The following DEUP1 variants were observed in gnomAD, a reference collection of about 807,000 sequenced individuals.
DEUP1 encodes the protein coiled-coil domain containing 67.
In DEUP1, 82 loss-of-function variants were observed where a neutral mutation model predicts 87.4. The ratio of observed to expected loss-of-function variants is 0.94; its 90% CI spans 0.78 to 1.13. DEUP1 has a LOEUF of 1.13. Ranked by LOEUF, DEUP1 falls within the 50% of genes most tolerant of loss-of-function variation. The pLI is 0.00. For missense variants in DEUP1, 663 were observed against 681.5 expected (o/e 0.97, Z 0.30); for synonymous variants, 214 against 222.7 (o/e 0.96, Z 0.35).
At chr11:93,366,066 A>G (rs1184030152) in intron 5 of DEUP1, among the ~76,000 whole-genome samples, 1 of 152,216 alleles carries the variant, frequency 6.6e-6, no homozygotes, top group East Asian at 1.9e-4. Context: ...AATACCTTAT[A>G]TGTAACATTG....
rs754866185 is a variant in DEUP1, at chr11:93,389,011, A to T, written c.936-9A>T. ...TAATTTTAATCATTATTTTATGTTT[A>T]ATTTGTAGACTTGAATCATCTTATT... On this transcript the variant is annotated splice_polypyrimidine_tract_variant and intron_variant, in intron 8 of 13. Coordinates refer to ENST00000298050, the MANE Select transcript of DEUP1 (RefSeq NM_181645.4). 1 of 1,384,606 alleles carries T rather than the reference A, an allele frequency of 7.2e-7. No individual in the cohort carries two copies. The highest frequency in any genetic ancestry group is 1.0e-6 in the Non-Finnish European group (1 of 992,884). The allele number at this position is 1,384,606 out of a possible 1,614,324, so 85.8% of individuals were successfully genotyped here.
intron 7 of DEUP1, among the ~76,000 whole-genome samples, chr11:93,372,679 T>A (rs1945801647): frequency 6.6e-6 from 1 of 152,204 alleles, no homozygotes; most frequent in African/African-American, 2.4e-5. Context: ...GACATACATA[T>A]TCCCCACTTC....
chr11:93,414,516 T>A (rs575711560), intron 12 of DEUP1, among the ~76,000 whole-genome samples: 31 of 151,750 alleles, frequency 2.0e-4, no homozygotes, highest in South Asian at 4.2e-4. Context: ...CAAAATAAAT[T>A]AATAAATAAA....
chr11:93,389,038 G>C lies in DEUP1; in HGVS notation c.954G>C (p.Leu318Phe). 1 of 1,561,732 alleles carries C rather than the reference G, an allele frequency of 6.4e-7. No homozygotes were observed. The highest frequency in any genetic ancestry group is 8.8e-7 in the Non-Finnish European group (1 of 1,141,328). The part of the protein sequence containing the change: ...GNKTRLESSY[L>F]PSIKEPERKI... ...TTTGTAGACTTGAATCATCTTATTTGCCTTCTATTAAAGAACCAGAAAGGA... is the reference window on the plus strand; with the variant it reads ...TTTGTAGACTTGAATCATCTTATTTCCCTTCTATTAAAGAACCAGAAAGGA... The change falls in exon 9 of 14, where the codon TTG becomes TTC. Residue 318 changes from leucine (L) to phenylalanine (F), a missense_variant. Coordinates refer to ENST00000298050, the MANE Select transcript of DEUP1 (RefSeq NM_181645.4).
Position 93,396,317 on chromosome 11 carries a change from G to T in DEUP1, c.1318G>T (p.Glu440Ter), listed in dbSNP as rs12288277. The change falls in exon 11 of 14, where the codon GAA becomes TAA. Residue 440 changes from glutamate to a stop codon, truncating the protein, a stop_gained. Transcript: ENST00000298050. LOFTEE classifies it high-confidence loss of function. Reference protein sequence around the residue: ...KGMMGDLDPGEYMSMDFTNRE... With the variant: ...KGMMGDLDPG ...AATGATGGGAGATTTAGACCCCGGA[G>T]AATACATGGTAATATGCTGACATCA... is the stretch of plus-strand genomic sequence containing the variant. 4.1e-5 allele frequency: 63 copies of T among 1,549,050 alleles called. No individual in the cohort carries two copies. Among genetic ancestry groups the T allele is most frequent in the Non-Finnish European group, 4.7e-5 (54 of 1,137,636 alleles).
At chr11:93,406,159 A>G (rs1203345579) in intron 11 of DEUP1, among the ~76,000 whole-genome samples, 1 of 151,762 alleles carries the variant, frequency 6.6e-6, no homozygotes, top group Non-Finnish European at 1.5e-5. Context: ...CTTACTCTAA[A>G]CCTCTCATTT....
At chr11:93,355,827 AAAGATGT>A (rs1171058227) in intron 3 of DEUP1, among the ~76,000 whole-genome samples, 1 of 152,242 alleles carries the variant, frequency 6.6e-6, no homozygotes, top group Non-Finnish European at 1.5e-5. Flanking sequence ...GTTTGCAAGT[AAAGATGT>A]AAGTACTCTT....
chr11:93,406,413 A>G (rs1273951876), intron 11 of DEUP1, among the ~76,000 whole-genome samples: 5 of 152,016 alleles, frequency 3.3e-5, no homozygotes, highest in Non-Finnish European at 5.9e-5. Context: ...ATATGTGATT[A>G]GAACAATTAC....
At chr11:93,332,974 C>T (rs913913108) in intron 2 of DEUP1, among the ~76,000 whole-genome samples, 3 of 152,054 alleles carry the variant, frequency 2.0e-5, no homozygotes, top group East Asian at 1.9e-4. Context: ...CTGACTTTGG[C>T]GCTAGTCACA....
chr11:93,408,895 C>T (rs186759060), intron 12 of DEUP1, among the ~76,000 whole-genome samples: 8 of 152,126 alleles, frequency 5.3e-5, no homozygotes, highest in South Asian at 2.1e-4. Flanking sequence ...CTCGCTCTGT[C>T]GCCCAGGCTG....
chr11:93,410,609 G>A (rs2134427433), intron 12 of DEUP1, among the ~76,000 whole-genome samples: 1 of 152,284 alleles, frequency 6.6e-6, no homozygotes, highest in Middle Eastern at 3.4e-3. Flanking sequence ...GATCTGTATT[G>A]AGCACCCACT....
chr11:93,392,982 A>G (rs1200665986), intron 9 of DEUP1, among the ~76,000 whole-genome samples: 1 of 107,538 alleles, frequency 9.3e-6, no homozygotes, highest in Non-Finnish European at 1.9e-5. Flanking sequence ...TCCTCCTCCG[A>G]GCCCTCCTCC....
intron 11 of DEUP1, among the ~76,000 whole-genome samples, chr11:93,407,374 T>C (rs139610802): frequency 1.5e-4 from 23 of 152,278 alleles, no homozygotes; most frequent in African/African-American, 5.3e-4. Context: ...GGCTATACCA[T>C]CTAGGTTTGT....
intron 4 of DEUP1, among the ~76,000 whole-genome samples, chr11:93,357,818 T>C (rs1944968966): frequency 6.6e-6 from 1 of 152,128 alleles, no homozygotes; most frequent in African/African-American, 2.4e-5. Flanking sequence ...TTTTAGGAGG[T>C]AATTAAGCCA....
intron 11 of DEUP1, 162 bp downstream of exon 11, chr11:93,396,487 T>C: frequency 1.9e-6 from 1 of 527,394 alleles, no homozygotes; most frequent in East Asian, 3.3e-5. Context: ...ATCCTCAGGC[T>C]AGAACATTGG....
At chr11:93,355,285 T>C in intron 2 of DEUP1, 86 bp from the exon 3 acceptor site, 1 of 1,128,714 alleles carries the variant, frequency 8.9e-7, no homozygotes, top group South Asian at 1.4e-5. Context: ...GAAATAATGT[T>C]CAAGCTATGC....
intron 2 of DEUP1, among the ~76,000 whole-genome samples, chr11:93,349,973 A>AGAG (rs1944550384): frequency 6.6e-6 from 1 of 152,190 alleles, no homozygotes; most frequent in South Asian, 2.1e-4. Context: ...GTTGGCATGT[A>AGAG]GAGGCTGGAG....
intron 9 of DEUP1, among the ~76,000 whole-genome samples, chr11:93,392,111 A>G (rs748720005): frequency 1.4e-4 from 22 of 152,158 alleles, no homozygotes; most frequent in Admixed American, 3.3e-4. Context: ...GCCTCTGGAC[A>G]TGTGTACTTT....
At chr11:93,364,063 C>G in intron 4 of DEUP1, 97 bp from the exon 5 acceptor site, 1 of 909,112 alleles carries the variant, frequency 1.1e-6, no homozygotes, top group Non-Finnish European at 1.6e-6. Flanking sequence ...CTAATCATGA[C>G]AAATTTTCAA....
Sources: allele counts gnomAD v4.1 joint callset (sites outside exome capture counted in the v4.1 genomes callset), GRCh38; gene constraint gnomAD v4.1.1; transcripts MANE v1.5; gene names NCBI Gene and HGNC (gene_info 2026-07-23, HGNC 2026-07-21).